KCNIP4: variants seen among roughly 807,000 people sequenced by gnomAD.
The protein encoded by KCNIP4 is potassium voltage-gated channel interacting protein 4.
Under a neutral mutation model 34.0 loss-of-function variants are expected in KCNIP4, and 12 were observed. The observed-to-expected ratio is 0.35, with a 90% CI of 0.23 to 0.57. KCNIP4 has a LOEUF of 0.57. Among genes scored for constraint, KCNIP4 ranks in the 20% least tolerant of loss-of-function variants. KCNIP4 has a pLI of 0.83. For synonymous variants in KCNIP4, 124 were observed against 102.2 expected, an observed-to-expected ratio of 1.21 and a Z score of -1.29; for missense variants, 238 against 311.7, an observed-to-expected ratio of 0.76 and a Z score of 1.78.
chr4:21,556,573 A>G (rs1739025912), intron 1 of KCNIP4, among the ~76,000 whole-genome samples: 1 of 152,100 alleles, frequency 6.6e-6, no homozygotes, highest in South Asian at 2.1e-4. Context: ...TTACCTTGAA[A>G]TAACTCTATA....
intron 1 of KCNIP4, among the ~76,000 whole-genome samples, chr4:21,247,279 C>T (rs1760275912): frequency 6.6e-6 from 1 of 152,032 alleles, no homozygotes; most frequent in Admixed American, 6.6e-5. Context: ...TTTCTCATTG[C>T]TTCTGTTAGC....
chr4:21,196,492 C>A (rs17448782), intron 1 of KCNIP4, among the ~76,000 whole-genome samples: 39,418 of 152,026 alleles, frequency 0.26, 5,535 homozygotes, highest in South Asian at 0.47. Flanking sequence ...GCAGATGCCT[C>A]ATCTTAGCAA....
intron 3 of KCNIP4, among the ~76,000 whole-genome samples, chr4:20,846,221 A>G (rs546420538): frequency 7.0e-4 from 106 of 152,334 alleles, no homozygotes; most frequent in African/African-American, 2.3e-3. Flanking sequence ...GGAAGATTCC[A>G]TAGAAGAAGG....
At chr4:20,872,837 C>T (rs1187473360) in intron 2 of KCNIP4, among the ~76,000 whole-genome samples, 2 of 152,002 alleles carry the variant, frequency 1.3e-5, no homozygotes, top group Non-Finnish European at 2.9e-5. Flanking sequence ...CTGAAAAAAA[C>T]AAAAGATGCA....
At chr4:21,875,656 G>C (rs1193975690) in intron 1 of KCNIP4, among the ~76,000 whole-genome samples, 1 of 152,146 alleles carries the variant, frequency 6.6e-6, no homozygotes, top group Non-Finnish European at 1.5e-5. Context: ...TCAGCACTGA[G>C]AGAAGAACAT....
chr4:20,912,992 T>C (rs944179869), intron 1 of KCNIP4, among the ~76,000 whole-genome samples: 1 of 152,132 alleles, frequency 6.6e-6, no homozygotes, highest in African/African-American at 2.4e-5. Flanking sequence ...ATGTTAAACA[T>C]AGAGTTACCA....
chr4:21,440,753 G>A (rs888616666), intron 1 of KCNIP4, among the ~76,000 whole-genome samples: 1 of 151,958 alleles, frequency 6.6e-6, no homozygotes, highest in Non-Finnish European at 1.5e-5. Context: ...TTTTTATATT[G>A]TTAAAATAGT....
intron 1 of KCNIP4, among the ~76,000 whole-genome samples, chr4:21,193,943 T>C (rs974319346): frequency 1.3e-5 from 2 of 152,174 alleles, no homozygotes; most frequent in African/African-American, 4.8e-5. Context: ...TCTAGTCAAT[T>C]AGCAAAGCAA....
chr4:21,556,920 C>CAAAAAAAAAACAAAAACAAAAAAA (rs1281543089), intron 1 of KCNIP4, among the ~76,000 whole-genome samples: 1 of 35,664 alleles, frequency 2.8e-5, no homozygotes, highest in African/African-American at 1.0e-4. Flanking sequence ...GACTCCATCT[C>CAAAAAAAAAACAAAAACAAAAAAA]AGAAAAAAAA....
At chr4:20,735,560 C>T (rs1458615333) in intron 5 of KCNIP4, among the ~76,000 whole-genome samples, 4 of 128,330 alleles carry the variant, frequency 3.1e-5, no homozygotes, top group African/African-American at 5.9e-5. Flanking sequence ...GATGGAATCT[C>T]GCACTGTTGC....
chr4:20,907,430 TAATC>T (rs1727879575), intron 1 of KCNIP4, among the ~76,000 whole-genome samples: 1 of 152,226 alleles, frequency 6.6e-6, no homozygotes, highest in African/African-American at 2.4e-5. Flanking sequence ...TGTAGACAGA[TAATC>T]TACCTATCTC....
At chr4:21,887,355 A>G (rs1402198797) in intron 1 of KCNIP4, among the ~76,000 whole-genome samples, 2 of 152,070 alleles carry the variant, frequency 1.3e-5, no homozygotes, top group Non-Finnish European at 2.9e-5. Context: ...AGGGGCGCAG[A>G]AAGAGTTAGC....
chr4:21,496,076 C>A (rs1732825813), intron 1 of KCNIP4, among the ~76,000 whole-genome samples: 1 of 152,150 alleles, frequency 6.6e-6, no homozygotes, highest in South Asian at 2.1e-4. Context: ...AATATTAAAA[C>A]AGATTTCAAG....
intron 1 of KCNIP4, among the ~76,000 whole-genome samples, chr4:21,102,735 T>C (rs552570737): frequency 6.6e-6 from 1 of 152,326 alleles, no homozygotes; most frequent in East Asian, 1.9e-4. Context: ...ACATTTTCTT[T>C]GAGAACAACA....
chr4:21,719,985 AGAG>A (rs1714673459), intron 1 of KCNIP4, among the ~76,000 whole-genome samples: 1 of 125,856 alleles, frequency 7.9e-6, no homozygotes. Context: ...AAAAAGAAGA[AGAG>A]GAAGAAGAAA....
chr4:21,533,625 T>C (rs952420637), intron 1 of KCNIP4, among the ~76,000 whole-genome samples: 12 of 152,310 alleles, frequency 7.9e-5, no homozygotes, highest in African/African-American at 2.4e-4. Flanking sequence ...GGGGTAAGTA[T>C]GGATACTTAA....
chr4:21,000,243 C>T (rs1483854429), intron 1 of KCNIP4, among the ~76,000 whole-genome samples: 1 of 152,168 alleles, frequency 6.6e-6, no homozygotes. Flanking sequence ...ACCATCCTCT[C>T]CTTCATGACT....
chr4:21,151,831 C>T (rs924500665), intron 1 of KCNIP4, among the ~76,000 whole-genome samples: 4 of 152,030 alleles, frequency 2.6e-5, no homozygotes, highest in Non-Finnish European at 5.9e-5. Context: ...AAAAGTTCTC[C>T]TTGCACAGGG....
At chr4:20,756,090 A>C (rs1197063536) in intron 4 of KCNIP4, among the ~76,000 whole-genome samples, 1 of 152,110 alleles carries the variant, frequency 6.6e-6, no homozygotes, top group Non-Finnish European at 1.5e-5. Context: ...GGGAGGGGTC[A>C]TCAGAATCAG....
Sources: gnomAD v4.1 joint callset for allele counts (sites outside exome capture counted in the v4.1 genomes callset) on GRCh38, gnomAD v4.1.1 for gene constraint, MANE v1.5 for transcripts, NCBI Gene and HGNC (gene_info 2026-07-23, HGNC 2026-07-21) for gene names.